ANKAR: variants seen among roughly 807,000 people sequenced by gnomAD.
ANKAR encodes ankyrin and armadillo repeat-containing protein.
A neutral mutation model predicts 146.2 loss-of-function variants in ANKAR; 136 were observed. The observed-to-expected ratio is 0.93, with a 90% CI of 0.81 to 1.07. The LOEUF is 1.07. Among genes scored for constraint, ANKAR ranks in the 50% least tolerant of loss-of-function variants. The pLI is 0.00. For synonymous variants in ANKAR, 500 were observed against 575.8 expected, an observed-to-expected ratio of 0.87 and a Z score of 1.88; for missense variants, 1,567 against 1,679.9, an observed-to-expected ratio of 0.93 and a Z score of 1.18.
rs1487245768 is a variant in ANKAR at position 189,676,889 on chromosome 2, A to G, written c.399A>G (p.Gln133=). Residue 133 remains glutamine, a synonymous_variant, in exon 2 of 23, where the codon CAA becomes CAG. Transcript: ENST00000684021. ...EANYDQSSSC[Q]LPPAYYDTRI... is the part of the protein sequence containing the mutation. ...ATTATGATCAGAGTTCTTCTTGTCA[A>G]TTACCTCCAGCTTATTATGATACCA... 5 of 1,614,032 alleles carry G rather than the reference A, an allele frequency of 3.1e-6. No individual in the cohort carries two copies. The African/African-American group carries it at 5.3e-5, about 17-fold the overall frequency.
intron 15 of ANKAR, among the ~76,000 whole-genome samples, chr2:189,729,715 T>G (rs72903436): frequency 1.6e-4 from 22 of 141,454 alleles, no homozygotes; most frequent in East Asian, 4.4e-4. Context: ...TGTGTGTGTG[T>G]GGTGCGGGTG....
At chr2:189,727,834 T>C in intron 12 of ANKAR, 22 bp from the exon 13 acceptor site, 19 of 1,608,904 alleles carry the variant, frequency 1.2e-5, no homozygotes, top group Non-Finnish European at 1.6e-5. Flanking sequence ...TTTATTTAAC[T>C]TGTTCTTAAA....
chr2:189,698,274 GT>G (rs1388977974), intron 7 of ANKAR, among the ~76,000 whole-genome samples: 1 of 151,850 alleles, frequency 6.6e-6, no homozygotes, highest in Non-Finnish European at 1.5e-5. Flanking sequence ...TCTACTCATA[GT>G]TATTTATTGG....
chr2:189,706,867 C>A, intron 8 of ANKAR, 71 bp from the exon 9 acceptor site: 3 of 1,189,182 alleles, frequency 2.5e-6, no homozygotes, highest in Non-Finnish European at 3.6e-6. Context: ...CCAATTGCAG[C>A]TTGAATAGTT....
chr2:189,745,027 C>CTACTACTACTACTAATAA (rs376824673), intron 22 of ANKAR, among the ~76,000 whole-genome samples: 34 of 131,112 alleles, frequency 2.6e-4, no homozygotes, highest in East Asian at 6.7e-4. Flanking sequence ...ACTACTACTA[C>CTACTACTACTACTAATAA]TAATAATACA....
In ANKAR at chr2:189,694,970, A is replaced by AT. The variant is rs2036981009; in HGVS notation, c.1308-5dup. On this transcript the variant is annotated splice_polypyrimidine_tract_variant and intron_variant, in intron 5 of 22. Transcript: ENST00000684021. ...TTAGAGAAACATCTTTTTTTTCTTT[A>AT]TTTTTTATAGCTACTATGTGATCTA... The AT allele has an allele frequency of 1.4e-6, 2 of 1,417,508 alleles. No individual in the cohort carries two copies. Among genetic ancestry groups the AT allele is most frequent in the Non-Finnish European group, 1.9e-6 (2 of 1,072,998 alleles). The allele number at this position is 1,417,508 out of a possible 1,614,324, so 87.8% of individuals were successfully genotyped here. A position where few individuals can be genotyped will look rare whatever the true frequency, so the allele number is the denominator to read the frequency against.
intron 15 of ANKAR, 89 bp from the exon 16 acceptor site, chr2:189,730,406 C>A (rs2042295577): frequency 2.9e-6 from 2 of 692,846 alleles, no homozygotes; most frequent in Non-Finnish European, 4.6e-6. Context: ...CCTTAGAATG[C>A]TTTGTCAACC....
chr2:189,696,264 A>G lies in ANKAR; in HGVS notation c.1603A>G (p.Thr535Ala). Residue 535 changes from threonine to alanine, a missense_variant, in exon 7 of 23, where the codon ACT becomes GCT. Physicochemically the swap from Thr to Ala is moderately conservative, Grantham distance 58 (BLOSUM62 0). Coordinates refer to ENST00000684021, the MANE Select transcript of ANKAR (RefSeq NM_001378068.1). ...CAATGTTTCAGATGAAGCAGGTTAT[A>G]CTATTTTTCATCATGCTGCCCTGCA... ...TINVSDEAGY[T>A]IFHHAALHNR... 1.2e-6 allele frequency: 2 copies of G among 1,614,134 alleles called. No individual in the cohort carries two copies. The highest frequency in any genetic ancestry group is 2.2e-5 in the South Asian group (2 of 91,082).
At chr2:189,762,825 C>A, downstream of ANKAR, 6 of 985,488 alleles carry the variant, frequency 6.1e-6, no homozygotes, top group Non-Finnish European at 6.0e-6. Flanking sequence ...CCGTCCAGAG[C>A]TGGCTGCTGT....
intron 20 of ANKAR, among the ~76,000 whole-genome samples, chr2:189,742,871 CA>C (rs2043498959): frequency 2.4e-5 from 2 of 84,632 alleles, no homozygotes; most frequent in African/African-American, 7.2e-5. Flanking sequence ...ACCTGACACA[CA>C]CACACACACA....
chr2:189,676,316 T>C, intron 1 of ANKAR, 140 bp from the exon 2 acceptor site: 1 of 728,710 alleles, frequency 1.4e-6, no homozygotes, highest in South Asian at 2.9e-5. Flanking sequence ...CTGCAGTTAT[T>C]TTTAATTTGA....
At chr2:189,718,901 C>T (rs1302680162) in intron 10 of ANKAR, among the ~76,000 whole-genome samples, 1 of 151,608 alleles carries the variant, frequency 6.6e-6, no homozygotes, top group Non-Finnish European at 1.5e-5. Flanking sequence ...AGGCGCCCGC[C>T]ACCGCGCCCG....
At chr2:189,694,689 G>A (rs2036944902) in intron 5 of ANKAR, among the ~76,000 whole-genome samples, 1 of 152,154 alleles carries the variant, frequency 6.6e-6, no homozygotes, top group Non-Finnish European at 1.5e-5. Flanking sequence ...ACAGTTAGAT[G>A]ACATAGAACT....
At position 189,706,925 on chromosome 2, in the gene ANKAR, T is replaced by C. The variant is rs758265193; in HGVS notation, c.1911-13T>C. ...TCTATGCGTGTTTAATTGTTATGTT[T>C]CTTAATTTTTAGGAATCAGTGCACT... On this transcript the variant is annotated splice_polypyrimidine_tract_variant and intron_variant, in intron 8 of 22. Coordinates refer to ENST00000684021, the MANE Select transcript of ANKAR (RefSeq NM_001378068.1). 3.3e-5 allele frequency: 52 copies of C among 1,592,858 alleles called. No individual in the cohort carries two copies. In the South Asian group the frequency reaches 5.3e-4, roughly 16 times the overall value.
chr2:189,689,543 A>C lies in ANKAR; in HGVS notation c.618A>C (p.Thr206=). 1 of 1,578,700 alleles carries C rather than the reference A, an allele frequency of 6.3e-7. No individual in the cohort carries two copies. The highest frequency in any genetic ancestry group is 1.4e-5 in the African/African-American group (1 of 73,132). The change falls in exon 3 of 23, where the codon ACA becomes ACC. Residue 206 remains threonine (T), a synonymous_variant. Coordinates refer to ENST00000684021, the MANE Select transcript of ANKAR (RefSeq NM_001378068.1). ...ATCATGAAGGTTTGACTGATATTAC[A>C]AAGGATCCAGACTTTAATGAAATCT... ...EFSSAGLTDI[T]KDPDFNEIYD... is the part of the protein sequence containing the mutation.
intron 12 of ANKAR, among the ~76,000 whole-genome samples, chr2:189,722,620 C>T (rs976289161): frequency 2.0e-5 from 3 of 152,156 alleles, no homozygotes; most frequent in South Asian, 2.1e-4. Flanking sequence ...TGGTAGCTCA[C>T]GCCTGTAATC....
rs181317420 is a variant in ANKAR at position 189,714,668 on chromosome 2, C to T, written c.2224+3515C>T. Among the ~76,000 whole-genome samples, 11 of 152,188 alleles carry T rather than the reference C, an allele frequency of 7.2e-5. No individual in the cohort carries two copies. In the East Asian group the frequency reaches 2.1e-3, roughly 29 times the overall value. On this transcript the variant is annotated intron_variant, in intron 10 of 22. Transcript: ENST00000684021. ...CCCACAAGACAAAGCAGGAATTGGC[C>T]AGGCATGGTGGCTCATGCCTGTAAT...
intron 2 of ANKAR, among the ~76,000 whole-genome samples, chr2:189,679,197 CTT>C (rs1319976649): frequency 1.3e-5 from 2 of 151,936 alleles, no homozygotes; most frequent in South Asian, 4.1e-4. Flanking sequence ...TTTTATTTAA[CTT>C]TATTTAATTT....
At chr2:189,692,858 T>C (rs1228504540) in intron 4 of ANKAR, 12 of 314,262 alleles carry the variant, frequency 3.8e-5, no homozygotes, top group Middle Eastern at 9.0e-4. Flanking sequence ...TCAATTGTTA[T>C]TGCTTTTCTA....
Sources: gnomAD v4.1 joint callset for allele counts (sites outside exome capture counted in the v4.1 genomes callset) on GRCh38, gnomAD v4.1.1 for gene constraint, MANE v1.5 for transcripts, NCBI Gene and HGNC (gene_info 2026-07-23, HGNC 2026-07-21) for gene names.